The following MDGA2 variants were observed in gnomAD, a reference collection of about 807,000 sequenced individuals.
The protein encoded by MDGA2 is MAM domain-containing glycosylphosphatidylinositol anchor protein 2.
MDGA2 carries 40 observed loss-of-function variants against 117.8 expected under a neutral mutation model. The ratio of observed to expected loss-of-function variants is 0.34; its 90% CI spans 0.26 to 0.44. The LOEUF (loss-of-function observed/expected upper bound fraction) is 0.44. Among genes scored for constraint, MDGA2 ranks in the 20% least tolerant of loss-of-function variants. MDGA2 has a pLI of 1.00. For missense variants in MDGA2, 1,123 were observed against 1,250.6 expected, an observed-to-expected ratio of 0.90 and a Z score of 1.54; for synonymous variants, 452 against 439.0, an observed-to-expected ratio of 1.03 and a Z score of -0.37.
chr14:47,563,578 G>GGTTTT (rs1895857035), intron 1 of MDGA2, among the ~76,000 whole-genome samples: 71 of 56,980 alleles, frequency 1.2e-3, no homozygotes, highest in African/African-American at 6.4e-3. Context: ...GCTTTTTTCT[G>GGTTTT]TTTTTTTTTT....
intron 1 of MDGA2, among the ~76,000 whole-genome samples, chr14:47,424,413 CAAAA>C (rs34875957): frequency 2.1e-5 from 3 of 139,676 alleles, no homozygotes; most frequent in Non-Finnish European, 3.1e-5. Flanking sequence ...GATTCTGTCT[CAAAA>C]AAAAAAAAAA....
At chr14:47,377,426 G>A (rs117948480) in intron 1 of MDGA2, among the ~76,000 whole-genome samples, 2,994 of 152,218 alleles carry the variant, frequency 0.02, 34 homozygotes, top group Non-Finnish European at 0.031. Flanking sequence ...CGCCTCATCC[G>A]GGAAGTGTAA....
chr14:46,984,347 G>A (rs998598953), intron 8 of MDGA2, among the ~76,000 whole-genome samples: 7 of 151,408 alleles, frequency 4.6e-5, no homozygotes, highest in Admixed American at 4.0e-4. Flanking sequence ...CTTGTGTGTG[G>A]GCAGAAAGTA....
chr14:47,035,614 T>C (rs1888818766), intron 7 of MDGA2, among the ~76,000 whole-genome samples: 1 of 152,156 alleles, frequency 6.6e-6, no homozygotes, highest in Non-Finnish European at 1.5e-5. Context: ...GCTTTAACAT[T>C]TGCATTTCAT....
At chr14:47,425,732 AAT>A (rs1477914865) in intron 1 of MDGA2, among the ~76,000 whole-genome samples, 1 of 152,044 alleles carries the variant, frequency 6.6e-6, no homozygotes, top group Non-Finnish European at 1.5e-5. Context: ...TGTGTGTATA[AAT>A]ATATATGTGT....
chr14:47,178,054 T>C (rs1884547607), intron 3 of MDGA2, among the ~76,000 whole-genome samples: 1 of 152,130 alleles, frequency 6.6e-6, no homozygotes, highest in Admixed American at 6.6e-5. Context: ...CCCAGGGATA[T>C]ATTACTTAAT....
intron 1 of MDGA2, among the ~76,000 whole-genome samples, chr14:47,352,153 C>A (rs1890897706): frequency 6.6e-6 from 1 of 152,154 alleles, no homozygotes; most frequent in Non-Finnish European, 1.5e-5. Flanking sequence ...GTTCTTGACC[C>A]TGACACCCAT....
chr14:47,633,842 A>G lies in MDGA2; in HGVS notation c.280+40675T>C, dbSNP rs116955239. 5.5e-3 allele frequency among the ~76,000 whole-genome samples: 834 copies of G among 152,246 alleles called. 3 individuals are homozygous for G. The highest frequency in any genetic ancestry group is 9.0e-3 in the Admixed American group (138 of 15,284). ...AAGCACCTTCAAAAATACTTCCTGTAGGTTAGCTAAAGGATCCTGAGTTTT... is the reference window on the plus strand; with the variant it reads ...AAGCACCTTCAAAAATACTTCCTGTGGGTTAGCTAAAGGATCCTGAGTTTT... On this transcript the variant is annotated intron_variant, in intron 1 of 16. Transcript: ENST00000399232.
intron 6 of MDGA2, among the ~76,000 whole-genome samples, chr14:47,092,073 G>C (rs1427274910): frequency 1.3e-5 from 2 of 152,104 alleles, no homozygotes; most frequent in Admixed American, 6.6e-5. Context: ...TAATATAGCA[G>C]GTGAATTTCT....
chr14:47,278,507 G>A (rs76888863), intron 2 of MDGA2, among the ~76,000 whole-genome samples: 4,145 of 152,064 alleles, frequency 0.027, 141 homozygotes, highest in East Asian at 0.18. Context: ...ACAGACTCAG[G>A]CACCCGGGAT....
intron 6 of MDGA2, among the ~76,000 whole-genome samples, chr14:47,073,412 G>C (rs1473327885): frequency 6.6e-6 from 1 of 152,144 alleles, no homozygotes; most frequent in Non-Finnish European, 1.5e-5. Context: ...CTGTAAAATG[G>C]TAGTAATTAT....
intron 6 of MDGA2, among the ~76,000 whole-genome samples, chr14:47,078,475 T>G (rs1890578850): frequency 6.6e-6 from 1 of 152,082 alleles, no homozygotes; most frequent in Non-Finnish European, 1.5e-5. Context: ...CACAAACTCA[T>G]TAGAATGTCA....
intron 1 of MDGA2, among the ~76,000 whole-genome samples, chr14:47,487,182 T>C (rs1025989113): frequency 6.6e-6 from 1 of 152,196 alleles, no homozygotes; most frequent in African/African-American, 2.4e-5. Context: ...GACATAGGTA[T>C]TTTATGAAAC....
chr14:47,144,358 A>C, intron 3 of MDGA2, 84 bp from the exon 4 acceptor site: 1 of 933,966 alleles, frequency 1.1e-6, no homozygotes, highest in Non-Finnish European at 1.6e-6. Flanking sequence ...CCAACCAAAA[A>C]TGCATATTCC....
chr14:47,316,335 A>T (rs1889809293), intron 1 of MDGA2, among the ~76,000 whole-genome samples: 1 of 152,126 alleles, frequency 6.6e-6, no homozygotes, highest in Non-Finnish European at 1.5e-5. Context: ...AAATCCAAAG[A>T]AACCAAAAAT....
At chr14:47,161,803 G>A (rs185627030) in intron 3 of MDGA2, among the ~76,000 whole-genome samples, 136 of 150,804 alleles carry the variant, frequency 9.0e-4, no homozygotes, top group African/African-American at 3.0e-3. Context: ...TTTTGTTTTC[G>A]TTGATTTTAG....
intron 1 of MDGA2, among the ~76,000 whole-genome samples, chr14:47,410,905 A>C (rs1408590199): frequency 6.6e-6 from 1 of 152,188 alleles, no homozygotes; most frequent in African/African-American, 2.4e-5. Context: ...AAGATGTCTA[A>C]GACACATACA....
chr14:47,298,585 C>T (rs1375893136), intron 2 of MDGA2, among the ~76,000 whole-genome samples: 1 of 152,082 alleles, frequency 6.6e-6, no homozygotes, highest in Admixed American at 6.6e-5. Context: ...CTGCCAACAG[C>T]ATTGCCCTTT....
chr14:47,116,202 A>C (rs1461623618), intron 5 of MDGA2, among the ~76,000 whole-genome samples: 1 of 152,122 alleles, frequency 6.6e-6, no homozygotes, highest in Non-Finnish European at 1.5e-5. Flanking sequence ...AATAAGCTTA[A>C]CTACGGAAGC....
Sources: gnomAD v4.1 joint callset for allele counts (sites outside exome capture counted in the v4.1 genomes callset) on GRCh38, gnomAD v4.1.1 for gene constraint, MANE v1.5 for transcripts, NCBI Gene and HGNC (gene_info 2026-07-23, HGNC 2026-07-21) for gene names.